The following TRAPPC9 variants were observed in gnomAD, a reference collection of about 807,000 sequenced individuals.
The protein encoded by TRAPPC9 is IKK2 binding protein.
Under a neutral mutation model 124.0 loss-of-function variants are expected in TRAPPC9, and 83 were observed. That is an observed-to-expected ratio of 0.67 (90% CI 0.56 to 0.80). The LOEUF (loss-of-function observed/expected upper bound fraction) is 0.80. Ranked by LOEUF, TRAPPC9 falls within the 30% of genes least tolerant of loss-of-function variation. The pLI, the probability that TRAPPC9 is intolerant of heterozygous loss-of-function variation, is 0.00. For synonymous variants in TRAPPC9, 638 were observed against 617.5 expected (o/e 1.03, Z -0.49); for missense variants, 1,302 against 1,508.3 (o/e 0.86, Z 2.27).
At chr8:140,258,142 A>G (rs2064312804) in intron 15 of TRAPPC9, among the ~76,000 whole-genome samples, 1 of 152,258 alleles carries the variant, frequency 6.6e-6, no homozygotes. Context: ...TGTCTTGGGT[A>G]CACGACAGCA....
At chr8:140,165,404 T>C (rs1211910557) in intron 17 of TRAPPC9, among the ~76,000 whole-genome samples, 1 of 89,624 alleles carries the variant, frequency 1.1e-5, no homozygotes, top group Non-Finnish European at 2.3e-5. Context: ...CCAGGCATGG[T>C]GGTGCATGCC....
chr8:139,823,626 CG>C (rs1825410520), intron 21 of TRAPPC9, among the ~76,000 whole-genome samples: 1 of 152,120 alleles, frequency 6.6e-6, no homozygotes, highest in Non-Finnish European at 1.5e-5. Context: ...GAGGGATGCA[CG>C]GGGGTCTCTC....
chr8:140,260,410 T>C (rs180733510), intron 15 of TRAPPC9, among the ~76,000 whole-genome samples: 3 of 152,338 alleles, frequency 2.0e-5, no homozygotes, highest in African/African-American at 4.8e-5. Flanking sequence ...TTTATCACTG[T>C]TGAAGTCCCC....
rs573158194 is a variant in TRAPPC9 at position 139,997,740 on chromosome 8, T to C, written c.2700-8904A>G. Reference sequence around the variant, plus strand: ...CCCACACAGGGGAAACAATGCATCCTACACAGGGAGACAGTGCATCCTACA... The same window carrying C: ...CCCACACAGGGGAAACAATGCATCCCACACAGGGAGACAGTGCATCCTACA... On this transcript the variant is annotated intron_variant, in intron 18 of 22. Transcript: ENST00000438773. Among the ~76,000 whole-genome samples, 100 of 82,872 alleles carry C rather than the reference T, an allele frequency of 1.2e-3. 7 individuals carry two copies. The highest frequency in any genetic ancestry group is 3.9e-3 in the East Asian group (7 of 1,816). The allele number at this position is 82,872 out of a possible 152,430, so 54.4% of individuals were successfully genotyped here.
chr8:139,831,491 G>C (rs901799163), intron 21 of TRAPPC9, among the ~76,000 whole-genome samples: 1 of 152,174 alleles, frequency 6.6e-6, no homozygotes, highest in Non-Finnish European at 1.5e-5. Flanking sequence ...ACACAGGCAT[G>C]CATAAACACA....
chr8:140,152,651 A>C (rs1273732394), intron 17 of TRAPPC9, among the ~76,000 whole-genome samples: 1 of 152,052 alleles, frequency 6.6e-6, no homozygotes, highest in African/African-American at 2.4e-5. Flanking sequence ...TACAGGCATG[A>C]GCCACTGCGC....
intron 17 of TRAPPC9, among the ~76,000 whole-genome samples, chr8:140,118,806 A>G (rs2060934836): frequency 6.6e-6 from 1 of 152,214 alleles, no homozygotes; most frequent in Admixed American, 6.5e-5. Flanking sequence ...AGCAAGTGAC[A>G]GCACTTGAGC....
intron 9 of TRAPPC9, among the ~76,000 whole-genome samples, chr8:140,319,105 G>T (rs1206867974): frequency 6.6e-6 from 1 of 151,018 alleles, no homozygotes; most frequent in Non-Finnish European, 1.5e-5. Context: ...TTCCATTTTT[G>T]ATCAGATTAT....
intron 17 of TRAPPC9, among the ~76,000 whole-genome samples, chr8:140,089,804 G>A (rs895237947): frequency 2.6e-5 from 4 of 152,036 alleles, no homozygotes; most frequent in Middle Eastern, 3.4e-3. Flanking sequence ...AGGCAGCTAG[G>A]TGTGGTGGCT....
chr8:140,285,626 C>T (rs553952024), intron 13 of TRAPPC9, among the ~76,000 whole-genome samples: 6 of 152,220 alleles, frequency 3.9e-5, no homozygotes, highest in Non-Finnish European at 8.8e-5. Context: ...CTCTGACCAC[C>T]CCCAGGTCCC....
At chr8:139,917,644 G>C (rs1331948509) in intron 19 of TRAPPC9, among the ~76,000 whole-genome samples, 4 of 152,214 alleles carry the variant, frequency 2.6e-5, no homozygotes, top group African/African-American at 9.6e-5. Context: ...AACAGGCTCG[G>C]TCGCCACCGC....
chr8:140,002,379 ATCCATTTT>A (rs1292270756), intron 18 of TRAPPC9, among the ~76,000 whole-genome samples: 2 of 152,316 alleles, frequency 1.3e-5, no homozygotes, highest in South Asian at 2.1e-4. Context: ...CAATATACTT[ATCCATTTT>A]TCCCAAGTTA....
chr8:140,108,681 T>C (rs1177727176), intron 17 of TRAPPC9, among the ~76,000 whole-genome samples: 1 of 152,212 alleles, frequency 6.6e-6, no homozygotes, highest in Non-Finnish European at 1.5e-5. Context: ...GTGTTTTTTG[T>C]TGGGTTTGTT....
intron 13 of TRAPPC9, among the ~76,000 whole-genome samples, chr8:140,285,182 C>T (rs1289701023): frequency 1.3e-5 from 2 of 152,174 alleles, no homozygotes; most frequent in Non-Finnish European, 2.9e-5. Context: ...TAGTCTGGAC[C>T]CAGGATAAAC....
At chr8:139,733,633 G>A (rs1321235034) in intron 21 of TRAPPC9, among the ~76,000 whole-genome samples, 1 of 152,244 alleles carries the variant, frequency 6.6e-6, no homozygotes, top group Non-Finnish European at 1.5e-5. Context: ...GGGCTATCAA[G>A]GCAGGCAGGT....
intron 21 of TRAPPC9, among the ~76,000 whole-genome samples, chr8:139,764,662 C>T (rs1253363591): frequency 6.6e-6 from 1 of 152,160 alleles, no homozygotes; most frequent in Non-Finnish European, 1.5e-5. Flanking sequence ...CCAGGCTCCA[C>T]ACTTAATGAC....
intron 9 of TRAPPC9, among the ~76,000 whole-genome samples, chr8:140,340,997 T>C (rs1315831911): frequency 6.6e-6 from 1 of 152,122 alleles, no homozygotes; most frequent in Non-Finnish European, 1.5e-5. Context: ...CTGTTTCTAA[T>C]CCTTATGACA....
intron 17 of TRAPPC9, among the ~76,000 whole-genome samples, chr8:140,135,371 C>A (rs1473708322): frequency 6.6e-6 from 1 of 152,142 alleles, no homozygotes; most frequent in Non-Finnish European, 1.5e-5. Flanking sequence ...GCATTAGTCA[C>A]AATAGCCAAA....
chr8:140,292,355 G>C (rs996580069), intron 11 of TRAPPC9, among the ~76,000 whole-genome samples: 2 of 152,218 alleles, frequency 1.3e-5, no homozygotes, highest in Non-Finnish European at 1.5e-5. Context: ...GAACCACACA[G>C]CAAGCGAGAG....
Sources: gnomAD v4.1 joint callset for allele counts (sites outside exome capture counted in the v4.1 genomes callset) on GRCh38, gnomAD v4.1.1 for gene constraint, MANE v1.5 for transcripts, NCBI Gene and HGNC (gene_info 2026-07-23, HGNC 2026-07-21) for gene names.